The following PUDP variants were observed in gnomAD, a reference collection of about 807,000 sequenced individuals.
The protein encoded by PUDP is pseudouridine 5'-phosphatase.
PUDP carries 8 observed loss-of-function variants against 9.4 expected under a neutral mutation model. That is an observed-to-expected ratio of 0.85 (90% confidence interval 0.50 to 1.53). The LOEUF (loss-of-function observed/expected upper bound fraction) is 1.53. Among genes scored for constraint, PUDP ranks in the 40% most tolerant of loss-of-function variants. The pLI, the probability that PUDP is intolerant of heterozygous loss-of-function variation, is 0.00. For missense variants in PUDP, 188 were observed against 189.7 expected, an observed-to-expected ratio of 0.99 and a Z score of 0.05; for synonymous variants, 99 against 80.7, an observed-to-expected ratio of 1.23 and a Z score of -1.22.
intron 3 of PUDP, among the ~76,000 whole-genome samples, chrX:6,841,718 A>T (rs188308321): frequency 4.5e-4 from 51 of 112,628 alleles, no homozygotes; most frequent in African/African-American, 1.6e-3. Context: ...TGAAATCCAC[A>T]GTTAAAGATG....
At chrX:6,943,022 A>T (rs1350834968) in intron 3 of PUDP, among the ~76,000 whole-genome samples, 1 of 112,341 alleles carries the variant, frequency 8.9e-6, no homozygotes, top group Non-Finnish European at 1.9e-5. Context: ...TTGCTTCAGC[A>T]GCCAAATGAA....
chrX:6,775,498 C>CAT (rs1217064625), intron 3 of PUDP, among the ~76,000 whole-genome samples: 1 of 50,909 alleles, frequency 2.0e-5, no homozygotes, highest in Admixed American at 2.0e-4. Context: ...CACATATACA[C>CAT]ACACATACAC....
At chrX:6,879,245 C>T (rs924773677) in intron 3 of PUDP, among the ~76,000 whole-genome samples, 1 of 112,086 alleles carries the variant, frequency 8.9e-6, no homozygotes, top group African/African-American at 3.2e-5. Flanking sequence ...CTCAAAAAGA[C>T]TTCTGCACTG....
chrX:7,081,977 C>G (rs1336673963), intron 2 of PUDP, among the ~76,000 whole-genome samples: 1 of 112,725 alleles, frequency 8.9e-6, no homozygotes, highest in African/African-American at 3.2e-5. Flanking sequence ...TGCACACAAA[C>G]TTTGTCTCAC....
Position 6,817,054 on chromosome X carries a change from CT to C in PUDP, c.*248-110589del, listed in dbSNP as rs778376603. Among the ~76,000 whole-genome samples, 6 of 98,431 alleles carry C rather than the reference CT, an allele frequency of 6.1e-5. 1 individual carries two copies. Among genetic ancestry groups the C allele is most frequent in the Admixed American group, 2.4e-4 (2 of 8,439 alleles). 85.5% of individuals were successfully genotyped at this position (98,431 alleles called of 115,157 possible). On this transcript the variant is annotated intron_variant and NMD_transcript_variant, in intron 3 of 3. Coordinates refer to the PUDP transcript ENST00000655425. ...ATATAGTATATACAATATATATACACTATATAGTATATACTATGTGTGTGTA... is the reference window on the plus strand; with the variant it reads ...ATATAGTATATACAATATATATACACATATAGTATATACTATGTGTGTGTA...
chrX:7,108,137 C>T (rs369280596), intron 1 of PUDP, among the ~76,000 whole-genome samples: 5 of 112,663 alleles, frequency 4.4e-5, no homozygotes, highest in African/African-American at 1.6e-4. Context: ...AAAAGTTTTC[C>T]GTGTGGCCCT....
intron 3 of PUDP, among the ~76,000 whole-genome samples, chrX:6,848,759 T>A (rs1385729054): frequency 9.0e-6 from 1 of 111,116 alleles, no homozygotes; most frequent in Non-Finnish European, 1.9e-5. Flanking sequence ...TTTAAAAGAG[T>A]CTGGGACTTC....
At chrX:6,888,949 T>G (rs1354728250) in intron 3 of PUDP, among the ~76,000 whole-genome samples, 1 of 112,461 alleles carries the variant, frequency 8.9e-6, no homozygotes, top group African/African-American at 3.2e-5. Flanking sequence ...TTGAATGCAT[T>G]CTGGACAAAA....
chrX:7,105,974 G>C (rs1386509474), intron 1 of PUDP, 136 bp from the exon 2 acceptor site: 8 of 442,555 alleles, frequency 1.8e-5, no homozygotes, highest in Non-Finnish European at 2.7e-5. Context: ...GTGAACAGGA[G>C]AAAGGCTTGC....
At chrX:6,836,125 G>A (rs1180891873) in intron 3 of PUDP, among the ~76,000 whole-genome samples, 3 of 111,380 alleles carry the variant, frequency 2.7e-5, no homozygotes, top group Non-Finnish European at 5.7e-5. Flanking sequence ...TTTAAAATTT[G>A]TATTTTATGC....
At chrX:7,082,556 G>A (rs576502562) in intron 2 of PUDP, among the ~76,000 whole-genome samples, 4 of 112,342 alleles carry the variant, frequency 3.6e-5, no homozygotes, top group South Asian at 3.7e-4. Context: ...ACCATGTCCT[G>A]GGCCTCAGTC....
chrX:6,759,893 C>T (rs1428630822), intron 3 of PUDP, among the ~76,000 whole-genome samples: 2 of 14,872 alleles, frequency 1.3e-4, no homozygotes, highest in Non-Finnish European at 2.1e-4. Context: ...TGGAGCAGTG[C>T]TCGCTAGCAG....
chrX:6,751,630 G>A (rs1033151299), intron 3 of PUDP, among the ~76,000 whole-genome samples: 1 of 111,262 alleles, frequency 9.0e-6, no homozygotes, highest in Middle Eastern at 4.6e-3. Flanking sequence ...CATTTTTCAA[G>A]ATAAAAAGTG....
At chrX:6,946,690 A>G (rs1928469063) in intron 3 of PUDP, among the ~76,000 whole-genome samples, 1 of 107,027 alleles carries the variant, frequency 9.3e-6, no homozygotes, top group African/African-American at 3.4e-5. Flanking sequence ...ATTATACAGA[A>G]AGACGTGAAT....
In PUDP at chrX:6,900,330, G is replaced by GC. The variant is rs1426672627; in HGVS notation, c.*247+76802_*247+76803insG. Among the ~76,000 whole-genome samples the GC allele has an allele frequency of 1.0e-4, 11 of 106,896 alleles. No individual in the cohort carries two copies. In the South Asian group the frequency reaches 3.1e-3, roughly 30 times the overall value. 92.8% of individuals were successfully genotyped at this position (106,896 alleles called of 115,157 possible). ...ACATTTTTGGTTGTCACCACTTGGG[G>GC]GGGGGGGCGCTGCTACTGGCATCTG... On this transcript the variant is annotated intron_variant and NMD_transcript_variant, in intron 3 of 3. Transcript: ENST00000655425.
chrX:6,782,031 C>T (rs12858233), intron 3 of PUDP, among the ~76,000 whole-genome samples: 20,130 of 110,458 alleles, frequency 0.18, 1,935 homozygotes, highest in African/African-American at 0.36. Context: ...TCCATATGAA[C>T]GTTTAAGAGC....
rs749113062 is a variant in PUDP, at chrX:6,716,113, A to G, written n.128+5304T>C. On this transcript the variant is annotated intron_variant and non_coding_transcript_variant, in intron 1 of 2. Coordinates refer to the PUDP transcript ENST00000438499. Reference sequence around the variant, plus strand: ...TACATACTTGTGAGCCTAAATGAATATGTTAGCTAAAAAAAAAAAAAAGGT... The same window carrying G: ...TACATACTTGTGAGCCTAAATGAATGTGTTAGCTAAAAAAAAAAAAAAGGT... 3.4e-4 allele frequency among the ~76,000 whole-genome samples: 37 copies of G among 109,149 alleles called. No individual in the cohort carries two copies. In the South Asian group the frequency reaches 0.013, roughly 39 times the overall value. The allele number at this position is 109,149 out of a possible 115,157, so 94.8% of individuals were successfully genotyped here. A position where few individuals can be genotyped will look rare whatever the true frequency, so the allele number is the denominator to read the frequency against.
intron 3 of PUDP, among the ~76,000 whole-genome samples, chrX:7,064,464 G>A (rs1026655963): frequency 1.8e-5 from 2 of 111,588 alleles, no homozygotes; most frequent in Non-Finnish European, 3.8e-5. Flanking sequence ...AGGGAGGTAG[G>A]GAAGAGGAAA....
chrX:6,823,867 G>C (rs751331236), intron 3 of PUDP, among the ~76,000 whole-genome samples: 1 of 112,468 alleles, frequency 8.9e-6, no homozygotes, highest in African/African-American at 3.2e-5. Flanking sequence ...CCTGTAAACT[G>C]TCATGGCACT....
Sources: allele counts gnomAD v4.1 joint callset (sites outside exome capture counted in the v4.1 genomes callset), GRCh38; gene constraint gnomAD v4.1.1; transcripts MANE v1.5; gene names NCBI Gene and HGNC (gene_info 2026-07-23, HGNC 2026-07-21).